Variants in ERCC6L2 observed in about 807,000 individuals in gnomAD.
ERCC6L2 encodes ERCC excision repair 6 like 2.
Under a neutral mutation model 132.0 loss-of-function variants are expected in ERCC6L2, and 77 were observed. That is an observed-to-expected ratio of 0.58 (90% CI 0.49 to 0.71). The LOEUF (loss-of-function observed/expected upper bound fraction) is 0.71. Ranked by LOEUF, ERCC6L2 falls within the 30% of genes least tolerant of loss-of-function variation. The pLI is 0.00. For missense variants in ERCC6L2, 1,542 were observed against 1,837.6 expected (o/e 0.84, Z 2.94); for synonymous variants, 583 against 632.4 (o/e 0.92, Z 1.17).
At chr9:95,920,022 T>G (rs970956615) in intron 6 of ERCC6L2, among the ~76,000 whole-genome samples, 2 of 152,204 alleles carry the variant, frequency 1.3e-5, no homozygotes, top group Admixed American at 1.3e-4. Context: ...TGAGACTGCT[T>G]TTGACTTCTT....
chr9:95,895,728 CTTT>C (rs10711041), intron 2 of ERCC6L2, among the ~76,000 whole-genome samples: 5 of 135,014 alleles, frequency 3.7e-5, no homozygotes, highest in Non-Finnish European at 3.2e-5. Flanking sequence ...GTTGTCATAG[CTTT>C]TTTTTTTTTT....
chr9:95,876,060 C>T lies in ERCC6L2; in HGVS notation c.22C>T (p.Pro8Ser), dbSNP rs865819226. The T allele has an allele frequency of 1.9e-6, 3 of 1,584,842 alleles. No homozygotes were observed. Among genetic ancestry groups the T allele is most frequent in the African/African-American group, 1.3e-5 (1 of 74,150 alleles). ...CCGGATGGATCCGTCGGCGCCACAG[C>T]CCCGCGCGGAAACCTCAGGCAAAGG... MDPSAPQ[P>S]RAETSGKDIW... The change falls in exon 1 of 19, where the codon CCC becomes TCC. Residue 8 changes from proline (P) to serine (S), a missense_variant. By Grantham distance (74) the Pro-to-Ser change is moderately conservative. Transcript: ENST00000653738.
intron 11 of ERCC6L2, among the ~76,000 whole-genome samples, chr9:95,931,502 T>A (rs1201010502): frequency 6.6e-6 from 1 of 152,204 alleles, no homozygotes; most frequent in Non-Finnish European, 1.5e-5. Flanking sequence ...TGGTAACTTT[T>A]TAAGCCAGAA....
chr9:95,876,686 A>G (rs1481198070), intron 1 of ERCC6L2: 2 of 152,238 alleles, frequency 1.3e-5, no homozygotes, highest in Non-Finnish European at 2.9e-5. Context: ...ATTGTGCTGT[A>G]TAACAAAAGC....
At chr9:95,948,570 C>T (rs762907998) in intron 12 of ERCC6L2, among the ~76,000 whole-genome samples, 25 of 151,956 alleles carry the variant, frequency 1.6e-4, no homozygotes, top group African/African-American at 1.9e-4. Flanking sequence ...CGTTTGAACC[C>T]GGGAGGTGGA....
chr9:95,998,206 G>A (rs545021296), intron 17 of ERCC6L2, among the ~76,000 whole-genome samples: 3 of 152,152 alleles, frequency 2.0e-5, no homozygotes, highest in Admixed American at 6.5e-5. Flanking sequence ...GAGATTCATA[G>A]ATATCCCTTT....
Position 95,971,967 on chromosome 9 carries a change from C to T in ERCC6L2, c.2216C>T (p.Thr739Ile), listed in dbSNP as rs1356434478. ...CCTGACTGTCAGGAATGCAGAGGTA[C>T]AGAACAAGCTGCAGAGCCACTGGCA... ...RQPDCQECRG[T>I]EQAAEPLAKE... The change falls in exon 16 of 19, where the codon ACA becomes ATA. Residue 739 changes from threonine (T) to isoleucine (I), a missense_variant. Physicochemically the swap from Thr to Ile is moderately conservative, Grantham distance 89 (BLOSUM62 -1). Transcript: ENST00000653738. The T allele has an allele frequency of 7.7e-7, 1 of 1,303,604 alleles. No individual in the cohort carries two copies. The highest frequency in any genetic ancestry group is 1.0e-6 in the Non-Finnish European group (1 of 988,760). The allele number at this position is 1,303,604 out of a possible 1,614,324, so 80.8% of individuals were successfully genotyped here. A position where few individuals can be genotyped will look rare whatever the true frequency, so the allele number is the denominator to read the frequency against.
chr9:95,918,263 C>T (rs1458917431), intron 6 of ERCC6L2: 10 of 435,224 alleles, frequency 2.3e-5, no homozygotes, highest in Non-Finnish European at 2.3e-5. Flanking sequence ...GGAAAAGACC[C>T]ACTACAGTGT....
At chr9:95,986,519 G>C (rs1386923510) in intron 17 of ERCC6L2, among the ~76,000 whole-genome samples, 3 of 118,168 alleles carry the variant, frequency 2.5e-5, no homozygotes, top group Non-Finnish European at 5.1e-5. Flanking sequence ...TTTTTTTTGA[G>C]ACAAAGTCTT....
At chr9:96,034,875 C>G (rs1834502028) in intron 19 of ERCC6L2, among the ~76,000 whole-genome samples, 1 of 152,042 alleles carries the variant, frequency 6.6e-6, no homozygotes. Context: ...GAAGCTGCAA[C>G]CACCTGACCC....
downstream of ERCC6L2, among the ~76,000 whole-genome samples, chr9:96,023,174 C>T (rs1834318053): frequency 6.6e-6 from 1 of 152,156 alleles, no homozygotes; most frequent in Non-Finnish European, 1.5e-5. Context: ...CCCACCCCCA[C>T]CACTCCATGG....
intron 12 of ERCC6L2, among the ~76,000 whole-genome samples, chr9:95,944,944 C>T (rs1021500735): frequency 4.9e-4 from 74 of 152,224 alleles, no homozygotes; most frequent in African/African-American, 1.7e-3. Flanking sequence ...GATCACAGGA[C>T]CACAGGACCG....
intron 3 of ERCC6L2, among the ~76,000 whole-genome samples, chr9:95,904,813 T>G (rs1405875750): frequency 1.3e-5 from 2 of 152,208 alleles, no homozygotes; most frequent in Non-Finnish European, 2.9e-5. Context: ...AGAAAACTCC[T>G]TAATAATTGA....
intron 13 of ERCC6L2, among the ~76,000 whole-genome samples, chr9:95,958,199 G>T (rs560637540): frequency 0.018 from 2,716 of 152,054 alleles, 87 homozygotes; most frequent in African/African-American, 0.061. Flanking sequence ...CAAAGGACAT[G>T]AACTCATCAT....
rs201014094 is a variant in ERCC6L2 at position 96,029,303 on chromosome 9, C to CAAAA, written c.*1504-9556_*1504-9553dup. Among the ~76,000 whole-genome samples the CAAAA allele has an allele frequency of 2.5e-3, 203 of 81,738 alleles. 1 individual carries two copies. Among genetic ancestry groups the CAAAA allele is most frequent in the Middle Eastern group, 9.3e-3 (1 of 108 alleles). The allele number at this position is 81,738 out of a possible 152,430, so 53.6% of individuals were successfully genotyped here. A position where few individuals can be genotyped will look rare whatever the true frequency, so the allele number is the denominator to read the frequency against. On this transcript the variant is annotated intron_variant and NMD_transcript_variant, in intron 19 of 20. Transcript: ENST00000670016. Reference sequence around the variant, plus strand: ...TGGGTGACAGAGCAAGACTCCGTCTCAAAAAAAAAAAAAAAAAAAACAAAA... The same window carrying CAAAA: ...TGGGTGACAGAGCAAGACTCCGTCTCAAAAAAAAAAAAAAAAAAAAAAAACAAAA...
intron 9 of ERCC6L2, among the ~76,000 whole-genome samples, chr9:95,924,367 A>G (rs1326343038): frequency 6.6e-6 from 1 of 152,312 alleles, no homozygotes; most frequent in East Asian, 1.9e-4. Flanking sequence ...AAATGTTTAT[A>G]TTAATGAGGA....
chr9:95,977,051 T>C (rs1210561899), intron 16 of ERCC6L2, among the ~76,000 whole-genome samples: 1 of 148,914 alleles, frequency 6.7e-6, no homozygotes, highest in Admixed American at 6.7e-5. Context: ...GCATAAACTT[T>C]TTTAAATAAT....
chr9:95,998,306 T>G (rs1415879331), intron 17 of ERCC6L2, among the ~76,000 whole-genome samples: 5 of 152,144 alleles, frequency 3.3e-5, no homozygotes. Flanking sequence ...GGAAAACAAT[T>G]AATGCCCCCC....
chr9:95,973,126 A>G (rs768201533), intron 16 of ERCC6L2, 38 bp downstream of exon 16: 4 of 1,212,758 alleles, frequency 3.3e-6, no homozygotes, highest in Non-Finnish European at 4.3e-6. Flanking sequence ...TAAAAAGTAT[A>G]TTTGTTTTAT....
Sources: gnomAD v4.1 joint callset for allele counts (sites outside exome capture counted in the v4.1 genomes callset) on GRCh38, gnomAD v4.1.1 for gene constraint, MANE v1.5 for transcripts, NCBI Gene and HGNC (gene_info 2026-07-23, HGNC 2026-07-21) for gene names.